The following LIMK2 variants were observed in gnomAD, a reference collection of about 807,000 sequenced individuals.
The protein encoded by LIMK2 is LIM domain kinase 2.
A neutral mutation model predicts 75.7 loss-of-function variants in LIMK2; 35 were observed. That is an observed-to-expected ratio of 0.46 (90% CI 0.35 to 0.61). The LOEUF (loss-of-function observed/expected upper bound fraction) is 0.61, where lower values mean the gene tolerates loss of function less well. Among genes scored for constraint, LIMK2 ranks in the 20% least tolerant of loss-of-function variants. The pLI is 0.00. For synonymous variants in LIMK2, 301 were observed against 319.2 expected (o/e 0.94, Z 0.61); for missense variants, 623 against 831.0 (o/e 0.75, Z 3.08).
chr22:31,251,486 A>G (rs1360295707), intron 2 of LIMK2, among the ~76,000 whole-genome samples: 1 of 152,176 alleles, frequency 6.6e-6, no homozygotes, highest in Non-Finnish European at 1.5e-5. Flanking sequence ...CCTCAGAGGC[A>G]CACAAGCTCT....
At chr22:31,268,041 A>G (rs2048914341) in intron 10 of LIMK2, 103 bp from the exon 11 acceptor site, 2 of 1,527,510 alleles carry the variant, frequency 1.3e-6, no homozygotes, top group African/African-American at 1.4e-5. Flanking sequence ...GGGACTGAGC[A>G]TACACAGGGA....
intron 11 of LIMK2, 142 bp downstream of exon 11, chr22:31,268,342 C>T: frequency 2.7e-6 from 2 of 741,884 alleles, no homozygotes; most frequent in Non-Finnish European, 4.9e-6. Flanking sequence ...TTGTCTGTGT[C>T]ACTGAAACTG....
chr22:31,268,248 T>G (rs200430471), intron 11 of LIMK2, 48 bp downstream of exon 11: 11 of 1,479,452 alleles, frequency 7.4e-6, no homozygotes, highest in Non-Finnish European at 1.0e-5. Context: ...TAGGGAGAGG[T>G]GTGAGAATTG....
intron 11 of LIMK2, among the ~76,000 whole-genome samples, chr22:31,269,785 A>AG: frequency 6.6e-6 from 1 of 152,114 alleles, no homozygotes; most frequent in Middle Eastern, 3.4e-3. Flanking sequence ...AAAAAAAAAA[A>AG]AAAGAGAGAC....
At position 31,258,324 on chromosome 22, in the gene LIMK2, G is replaced by A; in HGVS notation, c.150G>A (p.Trp50Ter). 2.5e-6 allele frequency: 4 copies of A among 1,612,508 alleles called. No individual in the cohort carries two copies. The highest frequency in any genetic ancestry group is 3.4e-6 in the Non-Finnish European group (4 of 1,179,010). Residue 50 changes from tryptophan (W) to a stop codon, truncating the protein, a stop_gained, in exon 3 of 16, where the codon TGG becomes TGA. Coordinates refer to ENST00000331728, the MANE Select transcript of LIMK2 (RefSeq NM_005569.4). LOFTEE classifies it high-confidence loss of function. ...CSECQDSLTN[W>*]YYEKDGKLYC... Reference sequence around the variant, plus strand: ...AATGCCAGGATTCCCTCACCAACTGGTACTATGAGAAGGATGGGAAGCTCT... The same window carrying A: ...AATGCCAGGATTCCCTCACCAACTGATACTATGAGAAGGATGGGAAGCTCT...
At chr22:31,255,082 G>C (rs553454200) in intron 2 of LIMK2, among the ~76,000 whole-genome samples, 3 of 152,352 alleles carry the variant, frequency 2.0e-5, no homozygotes, top group Admixed American at 2.0e-4. Flanking sequence ...AAATGGTGGT[G>C]CTAAGATTAG....
At chr22:31,222,764 C>T (rs1336833726) in intron 1 of LIMK2, 3 of 151,488 alleles carry the variant, frequency 2.0e-5, no homozygotes, top group East Asian at 2.0e-4. Flanking sequence ...TAAAACTTAA[C>T]GAGTTTGCAT....
At chr22:31,243,903 A>G (rs747258071) in intron 2 of LIMK2, among the ~76,000 whole-genome samples, 4 of 152,248 alleles carry the variant, frequency 2.6e-5, no homozygotes, top group Non-Finnish European at 5.9e-5. Context: ...GGGTCTGAGC[A>G]GCCAGCAGCT....
rs184095716 is a variant in LIMK2 at position 31,237,323 on chromosome 22, G to A, written c.116+11504G>A. On this transcript the variant is annotated intron_variant, in intron 2 of 15. Transcript: ENST00000331728. ...TCGCGCCTGTAATCCCAGCACTTTG[G>A]GAGGTCGAGGCGGGCGGATCACCTG... is the stretch of plus-strand genomic sequence containing the variant. 3.1e-3 allele frequency among the ~76,000 whole-genome samples: 467 copies of A among 152,020 alleles called. 2 individuals carry two copies. The highest frequency in any genetic ancestry group is 0.011 in the African/African-American group (453 of 41,488).
At chr22:31,248,373 C>G in intron 2 of LIMK2, 1 of 1,300,826 alleles carries the variant, frequency 7.7e-7, no homozygotes, top group Non-Finnish European at 1.0e-6. Context: ...GACAGCAGCG[C>G]TTCTTTCTTA....
chr22:31,270,712 T>C (rs569994903), intron 11 of LIMK2, among the ~76,000 whole-genome samples: 1 of 152,284 alleles, frequency 6.6e-6, no homozygotes, highest in East Asian at 1.9e-4. Context: ...AAGAAGTCAC[T>C]TCTCTGTTGC....
At chr22:31,271,660 T>C (rs2048958145) in intron 12 of LIMK2, among the ~76,000 whole-genome samples, 1 of 152,142 alleles carries the variant, frequency 6.6e-6, no homozygotes, top group African/African-American at 2.4e-5. Context: ...GTTGTTTGTC[T>C]TACTGACTTG....
chr22:31,235,884 T>C (rs989966554), intron 2 of LIMK2, among the ~76,000 whole-genome samples: 4 of 152,232 alleles, frequency 2.6e-5, no homozygotes, highest in African/African-American at 9.7e-5. Context: ...TATTGTGTTG[T>C]AGTTAAGAGC....
intron 2 of LIMK2, among the ~76,000 whole-genome samples, chr22:31,257,040 ATTTTTTTTTTTTTTTTTTTTTTTTTT>A (rs529919320): frequency 1.3e-5 from 1 of 75,054 alleles, no homozygotes; most frequent in Non-Finnish European, 3.0e-5. Flanking sequence ...GGAGCTATAG[ATTTTTTTTTTTTTTTTTTTTTTTTTT>A]TTTTTTTTAG....
chr22:31,264,791 G>C (rs1219362854), intron 7 of LIMK2, among the ~76,000 whole-genome samples: 4 of 152,114 alleles, frequency 2.6e-5, no homozygotes, highest in African/African-American at 9.7e-5. Flanking sequence ...GGGCGCAGTG[G>C]CTCACGCCTA....
At position 31,278,416 on chromosome 22, in the gene LIMK2, G is replaced by T. The variant is rs776822609; in HGVS notation, c.1892G>T (p.Gly631Val). The T allele has an allele frequency of 6.2e-7, 1 of 1,612,798 alleles. No homozygotes were observed. Among genetic ancestry groups the T allele is most frequent in the East Asian group, 2.2e-5 (1 of 44,824 alleles). ...ELDHTVSMQYGLTRDSPP is the reference protein window; with the variant it reads ...ELDHTVSMQYVLTRDSPP ...GACCACACTGTGAGCATGCAGTACGGCCTGACCCGGGACTCACCTCCCTAG... is the reference window on the plus strand; with the variant it reads ...GACCACACTGTGAGCATGCAGTACGTCCTGACCCGGGACTCACCTCCCTAG... The change falls in exon 16 of 16, where the codon GGC (glycine) becomes GTC (valine). Residue 631 changes from glycine (G) to valine (V), a missense_variant. By Grantham distance (109) the Gly-to-Val change is moderately radical. Transcript: ENST00000331728.
Position 31,257,040 on chromosome 22 carries a change from ATTTTTTTTTTTTT to A in LIMK2, c.117-1229_117-1217del, listed in dbSNP as rs529919320. ...TCATTAGGGGAGAAGGGAGCTATAG[ATTTTTTTTTTTTT>A]TTTTTTTTTTTTTTTTTTTTTAGAG... On this transcript the variant is annotated intron_variant, in intron 2 of 15. Coordinates refer to ENST00000331728, the MANE Select transcript of LIMK2 (RefSeq NM_005569.4). Among the ~76,000 whole-genome samples, 31 of 75,080 alleles carry A rather than the reference ATTTTTTTTTTTTT, an allele frequency of 4.1e-4. 1 individual carries two copies. In the South Asian group the frequency reaches 7.3e-3, roughly 18 times the overall value. 49.3% of individuals were successfully genotyped at this position (75,080 alleles called of 152,430 possible).
intron 2 of LIMK2, among the ~76,000 whole-genome samples, chr22:31,235,510 A>T (rs907017497): frequency 6.6e-6 from 1 of 152,168 alleles, no homozygotes; most frequent in South Asian, 2.1e-4. Flanking sequence ...TGTAGCTACA[A>T]TCCAGGCAGG....
At position 31,272,691 on chromosome 22, in the gene LIMK2, T is replaced by G; in HGVS notation, c.1545T>G (p.Pro515=). ...TGGGAAACCCCTACTGGATGGCCCC[T>G]GAGATGCTGAACGGTGAGTCCTGAA... is the stretch of plus-strand genomic sequence containing the variant. The part of the protein sequence containing the change: ...TVVGNPYWMA[P]EMLNGKSYDE... Residue 515 remains proline, a synonymous_variant, in exon 13 of 16, where the codon CCT becomes CCG. Coordinates refer to ENST00000331728, the MANE Select transcript of LIMK2 (RefSeq NM_005569.4). The G allele has an allele frequency of 6.2e-7, 1 of 1,605,714 alleles. No homozygotes were observed. The highest frequency in any genetic ancestry group is 8.5e-7 in the Non-Finnish European group (1 of 1,176,200).
Sources: gnomAD v4.1 joint callset for allele counts (sites outside exome capture counted in the v4.1 genomes callset) on GRCh38, gnomAD v4.1.1 for gene constraint, MANE v1.5 for transcripts, NCBI Gene and HGNC (gene_info 2026-07-23, HGNC 2026-07-21) for gene names.